The following YY1 variants were observed in gnomAD, a reference collection of about 807,000 sequenced individuals.
YY1 encodes the protein transcriptional repressor protein YY1.
In YY1, 2 loss-of-function variants were observed where a neutral mutation model predicts 35.6. That is an observed-to-expected ratio of 0.06 (90% CI 0.02 to 0.18). The LOEUF (loss-of-function observed/expected upper bound fraction) is 0.18. Ranked by LOEUF, YY1 falls within the 10% of genes least tolerant of loss-of-function variation. The pLI is 1.00. For synonymous variants in YY1, 268 were observed against 238.9 expected (o/e 1.12, Z -1.12); for missense variants, 322 against 573.4 (o/e 0.56, Z 4.48).
In YY1 at chr14:100,280,374, C is replaced by A. The variant is rs1299765981; in HGVS notation, c.*2774C>A. 6.6e-6 allele frequency: 1 copy of A among 152,056 alleles called. No homozygotes were observed. Among genetic ancestry groups the A allele is most frequent in the Admixed American group, 6.6e-5 (1 of 15,266 alleles). The allele number at this position is 152,056 out of a possible 1,614,324, so 9.4% of individuals were successfully genotyped here. On this transcript the variant is annotated 3_prime_UTR_variant, in exon 5 of 5. Transcript: ENST00000262238. ...TTCTAGCATATGTAATATAAAAACT[C>A]CAGAGGATAAGTTTACACTTAACAA...
intron 1 of YY1, among the ~76,000 whole-genome samples, chr14:100,260,279 G>A (rs1891062774): frequency 6.6e-6 from 1 of 150,490 alleles, no homozygotes; most frequent in Admixed American, 6.6e-5. Context: ...GTTTCATCAT[G>A]TTGGCCAGGC....
intron 1 of YY1, among the ~76,000 whole-genome samples, chr14:100,258,005 G>A (rs896555141): frequency 1.3e-5 from 2 of 152,056 alleles, no homozygotes; most frequent in Non-Finnish European, 2.9e-5. Flanking sequence ...GGTGGTGCCC[G>A]TCTGTGGTCC....
chr14:100,245,696 TC>T (rs1264447915), intron 1 of YY1, among the ~76,000 whole-genome samples: 1 of 151,930 alleles, frequency 6.6e-6, no homozygotes, highest in Non-Finnish European at 1.5e-5. Context: ...AAGCTCCACC[TC>T]CCGGGTTCAC....
chr14:100,277,900 A>G lies in YY1; in HGVS notation c.*300A>G. ...ACTTCGCATCAAAAGACAATTCTTT[A>G]TACAACAGTGCTAAAAATGGGACTT... On this transcript the variant is annotated 3_prime_UTR_variant, in exon 5 of 5. Coordinates refer to ENST00000262238, the MANE Select transcript of YY1 (RefSeq NM_003403.5). The surrounding 1 kb of genome is among the most constrained non-coding windows in gnomAD (Gnocchi z 5.6). 2.8e-6 allele frequency: 1 copy of G among 359,216 alleles called. No individual in the cohort carries two copies. Among genetic ancestry groups the G allele is most frequent in the East Asian group, 5.9e-5 (1 of 16,862 alleles). 22.3% of individuals were successfully genotyped at this position (359,216 alleles called of 1,614,324 possible).
At chr14:100,274,210 G>T (rs577752134) in intron 2 of YY1, among the ~76,000 whole-genome samples, 1 of 152,108 alleles carries the variant, frequency 6.6e-6, no homozygotes, top group Non-Finnish European at 1.5e-5. Context: ...GTACTAATTG[G>T]ACCCATTTCG....
intron 1 of YY1, among the ~76,000 whole-genome samples, chr14:100,242,371 G>GTTTTT (rs1566767626): frequency 1.9e-5 from 1 of 51,466 alleles, no homozygotes; most frequent in Non-Finnish European, 3.8e-5. Context: ...GTTTTGTTTT[G>GTTTTT]TTTTTTGTTT....
chr14:100,269,113 T>C (rs1891196652), intron 2 of YY1, among the ~76,000 whole-genome samples: 1 of 152,198 alleles, frequency 6.6e-6, no homozygotes. Context: ...GTCTGACTCC[T>C]CCATATAACA....
intron 1 of YY1, among the ~76,000 whole-genome samples, chr14:100,243,480 G>C (rs936115902): frequency 6.6e-6 from 1 of 152,124 alleles, no homozygotes; most frequent in Non-Finnish European, 1.5e-5. Context: ...TTACTTCTTA[G>C]ACCCTCTTGG....
rs568312627 is a variant in YY1 at position 100,239,430 on chromosome 14, G to A, written c.186G>A (p.Gly62=). ...EDGGGGDHGG[G]GGHGHAGHHH... ...GCGGCGGTGGCGACCACGGCGGCGG[G>A]GGCGGCCACGGGCACGCCGGCCACC... The change falls in exon 1 of 5, where the codon GGG becomes GGA. Residue 62 remains glycine, a synonymous_variant. Coordinates refer to ENST00000262238, the MANE Select transcript of YY1 (RefSeq NM_003403.5). 6.3e-7 allele frequency: 1 copy of A among 1,591,634 alleles called. No individual in the cohort carries two copies. Among genetic ancestry groups the A allele is most frequent in the Non-Finnish European group, 8.5e-7 (1 of 1,171,346 alleles).
chr14:100,247,932 A>G (rs528989604), intron 1 of YY1, among the ~76,000 whole-genome samples: 5 of 152,072 alleles, frequency 3.3e-5, no homozygotes, highest in Non-Finnish European at 5.9e-5. Flanking sequence ...TACAAACAGA[A>G]CAATATACTC....
intron 3 of YY1, among the ~76,000 whole-genome samples, chr14:100,275,405 A>G (rs546379850): frequency 6.6e-6 from 1 of 152,312 alleles, no homozygotes; most frequent in Admixed American, 6.5e-5. Flanking sequence ...CTTCCCTGTA[A>G]TGACTGTGCA....
Position 100,242,079 on chromosome 14 carries a change from A to G in YY1, c.679+2156A>G, listed in dbSNP as rs374061257. ...AATTCAGAATACGATTTGAAATAAG[A>G]TATTTAGGTAAAGATACATTAACCA... On this transcript the variant is annotated intron_variant, in intron 1 of 4. Coordinates refer to ENST00000262238, the MANE Select transcript of YY1 (RefSeq NM_003403.5). Among the ~76,000 whole-genome samples, 49 of 152,092 alleles carry G rather than the reference A, an allele frequency of 3.2e-4. 1 individual carries two copies. The highest frequency in any genetic ancestry group is 9.6e-4 in the African/African-American group (40 of 41,480).
chr14:100,273,662 G>A (rs2251052), intron 2 of YY1, among the ~76,000 whole-genome samples: 1 of 152,120 alleles, frequency 6.6e-6, no homozygotes, highest in Non-Finnish European at 1.5e-5. Context: ...ACCACACCCG[G>A]CTGATTTATT....
chr14:100,271,115 C>T (rs1264821117), intron 2 of YY1, among the ~76,000 whole-genome samples: 5 of 152,014 alleles, frequency 3.3e-5, no homozygotes, highest in Admixed American at 6.5e-5. Flanking sequence ...GGCATAGTGG[C>T]GGACACCTGT....
chr14:100,277,342 C>T lies in YY1; in HGVS notation c.1063-76C>T. 6.5e-7 allele frequency: 1 copy of T among 1,535,812 alleles called. No individual in the cohort carries two copies. Among genetic ancestry groups the T allele is most frequent in the Non-Finnish European group, 9.0e-7 (1 of 1,109,604 alleles). On this transcript the variant is annotated intron_variant, in intron 4 of 4. Coordinates refer to ENST00000262238, the MANE Select transcript of YY1 (RefSeq NM_003403.5). This position sits in a 1 kb window ranked among gnomAD's most constrained non-coding sequence, Gnocchi z 5.6. ...GTAAAATAAATAGGCTGTTCTCTAG[C>T]AAAGCAGTGAGCTCCTGACTCCCAG...
At chr14:100,240,055 TGCGGCGGCGGGGGC>T (rs1214687019) in intron 1 of YY1, 132 bp downstream of exon 1, 63 of 638,552 alleles carry the variant, frequency 9.9e-5, no homozygotes, top group South Asian at 2.9e-4. Context: ...TGGCGGGCCG[TGCGGCGGCGGGGGC>T]GCGGCGGCGG....
chr14:100,270,119 C>G (rs1891211805), intron 2 of YY1, among the ~76,000 whole-genome samples: 1 of 150,842 alleles, frequency 6.6e-6, no homozygotes, highest in Non-Finnish European at 1.5e-5. Flanking sequence ...AAAAATTAGC[C>G]TGGTGTGGTG....
chr14:100,257,306 G>A (rs1332008772), intron 1 of YY1, among the ~76,000 whole-genome samples: 2 of 152,128 alleles, frequency 1.3e-5, no homozygotes, highest in Non-Finnish European at 2.9e-5. Flanking sequence ...CCAGTGCCCA[G>A]AACAATGCCA....
chr14:100,269,629 T>G (rs1018774537), intron 2 of YY1, among the ~76,000 whole-genome samples: 1 of 152,224 alleles, frequency 6.6e-6, no homozygotes, highest in Non-Finnish European at 1.5e-5. Flanking sequence ...AATGACTTTT[T>G]TCATTGTTGG....
Sources: gnomAD v4.1 joint callset for allele counts (sites outside exome capture counted in the v4.1 genomes callset) on GRCh38, gnomAD v4.1.1 for gene constraint, Gnocchi (gnomAD v3.1) non-coding constraint, MANE v1.5 for transcripts, NCBI Gene and HGNC (gene_info 2026-07-23, HGNC 2026-07-21) for gene names.